The following EFCAB12 variants were observed in gnomAD, a reference collection of about 807,000 sequenced individuals.
The protein encoded by EFCAB12 is EF-hand calcium-binding domain-containing protein 12.
Under a neutral mutation model 53.6 loss-of-function variants are expected in EFCAB12, and 43 were observed. The ratio of observed to expected loss-of-function variants is 0.80; its 90% CI spans 0.63 to 1.03. The LOEUF (loss-of-function observed/expected upper bound fraction) is 1.03, where lower values mean the gene tolerates loss of function less well. EFCAB12 is among the 50% of genes least tolerant of loss of function. The pLI, the probability that EFCAB12 is intolerant of heterozygous loss-of-function variation, is 0.00. For missense variants in EFCAB12, 646 were observed against 730.6 expected, an observed-to-expected ratio of 0.88 and a Z score of 1.34; for synonymous variants, 269 against 289.2, an observed-to-expected ratio of 0.93 and a Z score of 0.71.
At chr3:129,409,409 C>T (rs561977067) in intron 5 of EFCAB12, among the ~76,000 whole-genome samples, 49 of 152,244 alleles carry the variant, frequency 3.2e-4, no homozygotes, top group Admixed American at 9.8e-4. Flanking sequence ...AGCCACTGCA[C>T]TCCAGCCTGG....
At chr3:129,403,559 C>T (rs2071904920) in intron 7 of EFCAB12, 1 of 152,382 alleles carries the variant, frequency 6.6e-6, no homozygotes, top group Admixed American at 6.5e-5. Context: ...GTCCAGGCCC[C>T]TCCCACCTCA....
At chr3:129,410,754 C>A (rs943695275) in intron 5 of EFCAB12, among the ~76,000 whole-genome samples, 8 of 152,168 alleles carry the variant, frequency 5.3e-5, no homozygotes, top group African/African-American at 1.9e-4. Context: ...ATGGTAGGCT[C>A]TCAATAAATG....
intron 4 of EFCAB12, chr3:129,412,775 A>G (rs1250144966): frequency 6.6e-6 from 1 of 152,232 alleles, no homozygotes; most frequent in African/African-American, 2.4e-5. Flanking sequence ...GTCAGCTCCA[A>G]TGTCTGCTTC....
At chr3:129,410,552 A>G (rs947856785) in intron 5 of EFCAB12, among the ~76,000 whole-genome samples, 14 of 152,264 alleles carry the variant, frequency 9.2e-5, no homozygotes, top group South Asian at 4.1e-4. Context: ...TCCTGGGCTT[A>G]AGCAGTCCTC....
chr3:129,407,237 G>A (rs971443388), intron 6 of EFCAB12, among the ~76,000 whole-genome samples: 6 of 152,202 alleles, frequency 3.9e-5, no homozygotes, highest in African/African-American at 1.4e-4. Context: ...CAGCCCTGCT[G>A]GCATCTTGAT....
Position 129,421,699 on chromosome 3 carries a change from G to A in EFCAB12, c.154C>T (p.Leu52=). The part of the protein sequence containing the change: ...FKQFQQKDFR[L]PQTRRRIIMV... ...ATGATTCGCCGGCGGGTCTGAGGCA[G>A]GCGGAAGTCCTTCTGCTGGAACTGC... Residue 52 remains leucine (L), a synonymous_variant, in exon 2 of 9, where the codon CTG becomes TTG. Transcript: ENST00000505956. 6.2e-7 allele frequency: 1 copy of A among 1,613,842 alleles called. No homozygotes were observed.
intron 2 of EFCAB12, among the ~76,000 whole-genome samples, 156 bp downstream of exon 2, chr3:129,421,211 G>C (rs1314346975): frequency 6.6e-6 from 1 of 152,230 alleles, no homozygotes; most frequent in African/African-American, 2.4e-5. Context: ...TGCAGCAATA[G>C]ATAACTAGAC....
intron 1 of EFCAB12, among the ~76,000 whole-genome samples, chr3:129,426,017 T>C (rs560872356): frequency 5.4e-4 from 83 of 152,330 alleles, no homozygotes; most frequent in Non-Finnish European, 1.1e-3. Flanking sequence ...TTGTTCTCTC[T>C]TTTCTCAGAC....
intron 6 of EFCAB12, among the ~76,000 whole-genome samples, chr3:129,405,204 T>TA (rs578192603): frequency 2.3e-4 from 35 of 152,124 alleles, no homozygotes; most frequent in African/African-American, 8.2e-4. Context: ...GTGCTGAATA[T>TA]AAAAAAAATA....
At chr3:129,410,600 G>A (rs1014265434) in intron 5 of EFCAB12, among the ~76,000 whole-genome samples, 8 of 152,142 alleles carry the variant, frequency 5.3e-5, no homozygotes, top group African/African-American at 1.9e-4. Context: ...TAACAGGTGC[G>A]AGACACCACT....
chr3:129,428,304 G>T (rs1023322056), intron 1 of EFCAB12, 136 bp downstream of exon 1: 12 of 1,206,140 alleles, frequency 9.9e-6, no homozygotes, highest in Non-Finnish European at 1.2e-5. Flanking sequence ...TACATGACCT[G>T]CCCCCGACTC....
chr3:129,408,859 C>A lies in EFCAB12; in HGVS notation c.1036-1G>T. On this transcript the variant is annotated splice_acceptor_variant, in intron 5 of 8. Transcript: ENST00000505956. LOFTEE classifies it high-confidence loss of function. ...TGTACTGGATGGAGGGGATCGTGAG[C>A]TGCGAAGGAAGCAGAAAGGGGCTCG... 1 of 1,564,624 alleles carries A rather than the reference C, an allele frequency of 6.4e-7. No individual in the cohort carries two copies. Among genetic ancestry groups the A allele is most frequent in the South Asian group, 1.2e-5 (1 of 84,842 alleles).
Position 129,418,129 on chromosome 3 carries a change from C to T in EFCAB12, c.681+125G>A, listed in dbSNP as rs1226415942. 7.9e-6 allele frequency: 7 copies of T among 886,334 alleles called. No individual in the cohort carries two copies. In the East Asian group the frequency reaches 1.1e-4, roughly 14 times the overall value. 54.9% of individuals were successfully genotyped at this position (886,334 alleles called of 1,614,324 possible). On this transcript the variant is annotated intron_variant, in intron 3 of 8. Transcript: ENST00000505956. Reference sequence around the variant, plus strand: ...AGTAATAAGGCTGACAGTTTGCACTCCTTGTGTCTACTTCTCAGTTGAACC... The same window carrying T: ...AGTAATAAGGCTGACAGTTTGCACTTCTTGTGTCTACTTCTCAGTTGAACC...
intron 6 of EFCAB12, among the ~76,000 whole-genome samples, chr3:129,406,007 G>A (rs1211894994): frequency 1.3e-5 from 2 of 150,920 alleles, no homozygotes; most frequent in Admixed American, 6.7e-5. Flanking sequence ...GAGCCCAGGA[G>A]TTCGAGATCA....
intron 3 of EFCAB12, 113 bp downstream of exon 3, chr3:129,418,135 GTCTACT>G: frequency 1.1e-6 from 1 of 940,744 alleles, no homozygotes; most frequent in East Asian, 2.7e-5. Context: ...CACTCCTTGT[GTCTACT>G]TCTCAGTTGA....
intron 6 of EFCAB12, among the ~76,000 whole-genome samples, chr3:129,405,364 G>A (rs1401223680): frequency 6.6e-6 from 1 of 152,098 alleles, no homozygotes; most frequent in Non-Finnish European, 1.5e-5. Flanking sequence ...GGGCTGTGGA[G>A]GTGAGAAGGA....
intron 5 of EFCAB12, among the ~76,000 whole-genome samples, chr3:129,410,318 A>ATTTTTT: frequency 6.9e-6 from 1 of 144,160 alleles, no homozygotes; most frequent in African/African-American, 2.5e-5. Context: ...CCTGTATATA[A>ATTTTTT]TTTTTTTTTT....
At chr3:129,416,924 G>A (rs1228200066) in intron 3 of EFCAB12, among the ~76,000 whole-genome samples, 1 of 152,120 alleles carries the variant, frequency 6.6e-6, no homozygotes, top group Non-Finnish European at 1.5e-5. Context: ...AGTGTTGGGG[G>A]ATTACAGGCA....
chr3:129,414,687 G>A (rs568476693), intron 4 of EFCAB12: 1 of 152,336 alleles, frequency 6.6e-6, no homozygotes, highest in East Asian at 1.9e-4. Context: ...ATTTGCCTCT[G>A]TGCCTTGTCT....
Sources: gnomAD v4.1 joint callset for allele counts (sites outside exome capture counted in the v4.1 genomes callset) on GRCh38, gnomAD v4.1.1 for gene constraint, MANE v1.5 for transcripts, NCBI Gene and HGNC (gene_info 2026-07-23, HGNC 2026-07-21) for gene names.